The following SESN1 variants were observed in gnomAD, a reference collection of about 807,000 sequenced individuals.
SESN1 encodes sestrin 1.
Under a neutral mutation model 59.3 loss-of-function variants are expected in SESN1, and 30 were observed. The ratio of observed to expected loss-of-function variants is 0.51; its 90% CI spans 0.38 to 0.69. The LOEUF (loss-of-function observed/expected upper bound fraction) is 0.69, where lower values mean the gene tolerates loss of function less well. SESN1 is among the 30% of genes least tolerant of loss of function. The pLI is 0.00. For missense variants in SESN1, 566 were observed against 673.0 expected (o/e 0.84, Z 1.76); for synonymous variants, 197 against 219.9 (o/e 0.90, Z 0.92).
intron 1 of SESN1, among the ~76,000 whole-genome samples, chr6:109,035,569 A>G (rs966105233): frequency 1.3e-5 from 2 of 152,040 alleles, no homozygotes; most frequent in African/African-American, 4.8e-5. Context: ...AGGAAAAGGA[A>G]AAGAACACAG....
In SESN1 at chr6:108,986,902, AC is replaced by A. The variant is rs1779213265; in HGVS notation, c.*641del. The stretch of plus-strand genomic sequence containing the variant: ...ATGCCATTTTAATTTAATATCCAGA[AC>A]CCTGAATTTAAAAAACTAATGAAAG... On this transcript the variant is annotated 3_prime_UTR_variant, in exon 10 of 10. Coordinates refer to ENST00000436639, the MANE Select transcript of SESN1 (RefSeq NM_014454.3). The A allele has an allele frequency of 6.6e-6, 1 of 152,380 alleles. No homozygotes were observed. The highest frequency in any genetic ancestry group is 6.5e-5 in the Admixed American group (1 of 15,278). The allele number at this position is 152,380 out of a possible 1,614,324, so 9.4% of individuals were successfully genotyped here. A position where few individuals can be genotyped will look rare whatever the true frequency, so the allele number is the denominator to read the frequency against.
At chr6:109,035,974 G>T (rs1243092581) in intron 1 of SESN1, among the ~76,000 whole-genome samples, 1 of 152,096 alleles carries the variant, frequency 6.6e-6, no homozygotes, top group African/African-American at 2.4e-5. Context: ...CATAGTAATT[G>T]CCCTCCTTAT....
chr6:109,011,769 C>T (rs1300311968), intron 1 of SESN1, among the ~76,000 whole-genome samples: 1 of 151,860 alleles, frequency 6.6e-6, no homozygotes, highest in Non-Finnish European at 1.5e-5. Flanking sequence ...GCTGGCACTA[C>T]AGGCAGAGGC....
At chr6:108,992,765 T>G in intron 7 of SESN1, 22 bp downstream of exon 7, 1 of 1,385,060 alleles carries the variant, frequency 7.2e-7, no homozygotes, top group South Asian at 1.2e-5. Flanking sequence ...GTCAATCATG[T>G]GCATACAAGT....
Position 109,051,172 on chromosome 6 carries a change from A to AC in SESN1, c.279+42622dup, listed in dbSNP as rs571302698. 1.7e-3 allele frequency among the ~76,000 whole-genome samples: 252 copies of AC among 152,158 alleles called. No individual in the cohort carries two copies. The South Asian group carries it at 0.028, about 17-fold the overall frequency. On this transcript the variant is annotated intron_variant, in intron 1 of 9. Transcript: ENST00000436639. ...AAACAAAAAAAAACAACAAAAAAAA[A>AC]CTCATTTCAGAAATCAGTTTCATGA... is the stretch of plus-strand genomic sequence containing the variant.
In SESN1 at chr6:109,081,231, T is replaced by C. The variant is rs114011666; in HGVS notation, c.279+12564A>G. On this transcript the variant is annotated intron_variant, in intron 1 of 9. Coordinates refer to ENST00000436639, the MANE Select transcript of SESN1 (RefSeq NM_014454.3). ...AAGGAACTGGGACCACAGGCATGCA[T>C]CACCATGCCCAGCTAATGTTTGTAT... Among the ~76,000 whole-genome samples the C allele has an allele frequency of 7.8e-3, 1,192 of 152,120 alleles. 20 individuals are homozygous for C. Among genetic ancestry groups the C allele is most frequent in the African/African-American group, 0.028 (1,142 of 41,510 alleles).
At chr6:109,068,648 A>G (rs2114463085) in intron 1 of SESN1, among the ~76,000 whole-genome samples, 1 of 152,246 alleles carries the variant, frequency 6.6e-6, no homozygotes, top group Non-Finnish European at 1.5e-5. Context: ...TTGAGATTCA[A>G]TCTTTATATT....
At chr6:109,037,222 T>C (rs566941334) in intron 1 of SESN1, among the ~76,000 whole-genome samples, 27 of 152,368 alleles carry the variant, frequency 1.8e-4, no homozygotes, top group African/African-American at 6.3e-4. Context: ...CTATTTTCTA[T>C]TAAAATGTAC....
intron 1 of SESN1, among the ~76,000 whole-genome samples, chr6:109,049,422 A>G (rs1028523267): frequency 1.3e-5 from 2 of 152,168 alleles, no homozygotes; most frequent in African/African-American, 2.4e-5. Flanking sequence ...CTGCTAAAGT[A>G]TACAAAATTA....
intron 1 of SESN1, among the ~76,000 whole-genome samples, chr6:109,047,616 G>A (rs1370389543): frequency 9.1e-5 from 13 of 142,502 alleles, no homozygotes; most frequent in Non-Finnish European, 1.4e-4. Context: ...CATTGAGAAC[G>A]GGCCAGGATG....
At position 109,009,515 on chromosome 6, in the gene SESN1, C is replaced by A. The variant is rs549390271; in HGVS notation, c.280-7172G>T. On this transcript the variant is annotated intron_variant, in intron 1 of 9. Coordinates refer to ENST00000436639, the MANE Select transcript of SESN1 (RefSeq NM_014454.3). ...GAGGCGGCGAGCGCTGGGCAGCCGG[C>A]CGCGGCTCCTGGCTGCAGCGCCTCA... The A allele has an allele frequency of 1.9e-4, 222 of 1,196,890 alleles. 4 individuals are homozygous for A. The South Asian group carries it at 6.7e-3, about 36-fold the overall frequency. 74.1% of individuals were successfully genotyped at this position (1,196,890 alleles called of 1,614,324 possible). A position where few individuals can be genotyped will look rare whatever the true frequency, so the allele number is the denominator to read the frequency against.
Position 108,987,371 on chromosome 6 carries a change from A to C in SESN1, c.*173T>G, listed in dbSNP as rs1233091677. On this transcript the variant is annotated 3_prime_UTR_variant, in exon 10 of 10. Transcript: ENST00000436639. ...CTAAACTTGAAGCTGCCAAACAGTC[A>C]CTGCTTGTGCCAGCAGTGGTTTTCC... 2.0e-6 allele frequency: 1 copy of C among 509,834 alleles called. No homozygotes were observed. The highest frequency in any genetic ancestry group is 3.5e-6 in the Non-Finnish European group (1 of 286,950). The allele number at this position is 509,834 out of a possible 1,614,324, so 31.6% of individuals were successfully genotyped here. A position where few individuals can be genotyped will look rare whatever the true frequency, so the allele number is the denominator to read the frequency against.
At chr6:109,089,746 T>C (rs1781278177) in intron 1 of SESN1, among the ~76,000 whole-genome samples, 2 of 152,228 alleles carry the variant, frequency 1.3e-5, no homozygotes, top group Admixed American at 1.3e-4. Context: ...ATCTTCTAAA[T>C]CCAACTAAAT....
chr6:109,082,724 C>T (rs1417791862), intron 1 of SESN1, among the ~76,000 whole-genome samples: 3 of 152,140 alleles, frequency 2.0e-5, no homozygotes, highest in Admixed American at 2.0e-4. Context: ...GCAGTGGTAC[C>T]CTATGACACG....
chr6:109,056,790 G>A (rs1038293916), intron 1 of SESN1, among the ~76,000 whole-genome samples: 6 of 152,262 alleles, frequency 3.9e-5, no homozygotes, highest in Admixed American at 2.6e-4. Flanking sequence ...CCTCCCTCCT[G>A]AAGGGACTAC....
chr6:109,066,184 A>G (rs1289994498), intron 1 of SESN1, among the ~76,000 whole-genome samples: 16 of 152,208 alleles, frequency 1.1e-4, no homozygotes, highest in Admixed American at 1.0e-3. Context: ...TCTGTAAACT[A>G]AAACAAAAAT....
At chr6:109,057,077 G>T (rs977587755) in intron 1 of SESN1, among the ~76,000 whole-genome samples, 9 of 152,262 alleles carry the variant, frequency 5.9e-5, no homozygotes, top group African/African-American at 1.7e-4. Context: ...AGTCATGTGA[G>T]TTAGTTTAGA....
At chr6:109,011,825 CATT>C (rs1779864300) in intron 1 of SESN1, among the ~76,000 whole-genome samples, 1 of 151,850 alleles carries the variant, frequency 6.6e-6, no homozygotes, top group Non-Finnish European at 1.5e-5. Flanking sequence ...GATAGGGTCT[CATT>C]ATGTTGTCTA....
intron 1 of SESN1, among the ~76,000 whole-genome samples, chr6:109,080,791 C>T (rs1218397053): frequency 8.6e-5 from 13 of 152,032 alleles, no homozygotes; most frequent in Admixed American, 8.5e-4. Context: ...ATCCCTAATC[C>T]AAAAATCCCA....
Sources: gnomAD v4.1 joint callset for allele counts (sites outside exome capture counted in the v4.1 genomes callset) on GRCh38, gnomAD v4.1.1 for gene constraint, MANE v1.5 for transcripts, NCBI Gene and HGNC (gene_info 2026-07-23, HGNC 2026-07-21) for gene names.